Variants in IL1RAPL1 observed in about 807,000 individuals in gnomAD.
The protein encoded by IL1RAPL1 is interleukin-1 receptor accessory protein-like 1.
IL1RAPL1 carries 3 observed loss-of-function variants against 48.4 expected under a neutral mutation model. The observed-to-expected ratio is 0.06, with a 90% confidence interval of 0.03 to 0.16. The LOEUF (loss-of-function observed/expected upper bound fraction) is 0.16, where lower values mean the gene tolerates loss of function less well. Ranked by LOEUF, IL1RAPL1 falls within the 10% of genes least tolerant of loss-of-function variation. IL1RAPL1 has a pLI of 1.00. For synonymous variants in IL1RAPL1, 185 were observed against 187.7 expected, an observed-to-expected ratio of 0.99 and a Z score of 0.12; for missense variants, 349 against 530.6, an observed-to-expected ratio of 0.66 and a Z score of 3.36.
intron 2 of IL1RAPL1, among the ~76,000 whole-genome samples, chrX:29,006,478 C>T (rs778601424): frequency 4.3e-4 from 46 of 106,225 alleles, no homozygotes; most frequent in African/African-American, 1.6e-3. Context: ...GGCGCCATTG[C>T]ACTCCAACAT....
intron 2 of IL1RAPL1, among the ~76,000 whole-genome samples, chrX:29,134,909 C>T (rs765172027): frequency 1.7e-4 from 19 of 111,809 alleles, no homozygotes; most frequent in Non-Finnish European, 2.8e-4. Context: ...CAATAGTGCT[C>T]CATCCTCTCC....
intron 1 of IL1RAPL1, among the ~76,000 whole-genome samples, chrX:28,722,906 C>A (rs979437874): frequency 1.8e-5 from 2 of 110,777 alleles, no homozygotes; most frequent in African/African-American, 6.6e-5. Context: ...TATTGATTTG[C>A]GTATGTTGAA....
intron 8 of IL1RAPL1, among the ~76,000 whole-genome samples, chrX:29,928,095 C>A (rs1932907877): frequency 8.9e-6 from 1 of 111,823 alleles, no homozygotes; most frequent in African/African-American, 3.2e-5. Flanking sequence ...GCTGAAGCAA[C>A]TAAACTAGTG....
intron 6 of IL1RAPL1, among the ~76,000 whole-genome samples, chrX:29,719,743 C>CAAAAAAAAAAAAA (rs372308075): frequency 4.6e-5 from 1 of 21,876 alleles, no homozygotes; most frequent in African/African-American, 1.3e-4. Context: ...GAAAGATGAG[C>CAAAAAAAAAAAAA]AAAAAAAAAA....
chrX:28,968,794 T>C (rs1293738074), intron 2 of IL1RAPL1, among the ~76,000 whole-genome samples: 2 of 112,968 alleles, frequency 1.8e-5, no homozygotes, highest in African/African-American at 6.4e-5. Context: ...TGTGTGCACA[T>C]ACACATATAG....
intron 1 of IL1RAPL1, among the ~76,000 whole-genome samples, chrX:28,772,761 A>G (rs1223065074): frequency 1.8e-5 from 2 of 111,920 alleles, no homozygotes; most frequent in Admixed American, 1.9e-4. Context: ...TAGACAAAAT[A>G]TGATTCTGGC....
At chrX:28,984,289 T>C (rs899361607) in intron 2 of IL1RAPL1, among the ~76,000 whole-genome samples, 2 of 111,391 alleles carry the variant, frequency 1.8e-5, no homozygotes, top group Non-Finnish European at 3.8e-5. Context: ...TTGTCTGCAA[T>C]ATTGGATGAA....
chrX:28,777,749 A>G (rs1282608951), intron 1 of IL1RAPL1, among the ~76,000 whole-genome samples: 1 of 110,843 alleles, frequency 9.0e-6, no homozygotes, highest in African/African-American at 3.3e-5. Context: ...ATCTGAGGGT[A>G]CCAGCCATGC....
At chrX:29,230,522 A>AAAAAAAAAAC (rs1931178719) in intron 2 of IL1RAPL1, among the ~76,000 whole-genome samples, 16 of 90,820 alleles carry the variant, frequency 1.8e-4, no homozygotes, top group African/African-American at 3.4e-4. Flanking sequence ...AAAAAAAAAA[A>AAAAAAAAAAC]AAAAAAAAAA....
intron 1 of IL1RAPL1, among the ~76,000 whole-genome samples, chrX:28,684,417 T>C (rs1478022522): frequency 8.9e-6 from 1 of 111,966 alleles, no homozygotes. Flanking sequence ...AGACTTTGGA[T>C]GTCATATGTG....
chrX:29,099,637 T>A (rs1602056292), intron 2 of IL1RAPL1, among the ~76,000 whole-genome samples: 2 of 111,747 alleles, frequency 1.8e-5, no homozygotes, highest in South Asian at 3.7e-4. Flanking sequence ...CGTTAGTCGA[T>A]AATGTACAGT....
At chrX:28,604,786 C>T (rs1934065888) in intron 1 of IL1RAPL1, among the ~76,000 whole-genome samples, 1 of 106,416 alleles carries the variant, frequency 9.4e-6, no homozygotes, top group South Asian at 4.2e-4. Context: ...ATCATAGCTA[C>T]ATAATAAATG....
At chrX:28,822,870 A>G (rs1168887633) in intron 2 of IL1RAPL1, among the ~76,000 whole-genome samples, 1 of 111,598 alleles carries the variant, frequency 9.0e-6, no homozygotes, top group Non-Finnish European at 1.9e-5. Context: ...TACCACTTCC[A>G]CCAACCCCTG....
intron 5 of IL1RAPL1, among the ~76,000 whole-genome samples, chrX:29,542,952 C>G (rs898818269): frequency 2.7e-5 from 3 of 111,301 alleles, no homozygotes; most frequent in Non-Finnish European, 5.7e-5. Flanking sequence ...GTTGTAAATC[C>G]CTGGGAATGA....
chrX:29,823,558 G>A (rs1014248576), intron 6 of IL1RAPL1, among the ~76,000 whole-genome samples: 3 of 111,908 alleles, frequency 2.7e-5, no homozygotes, highest in Non-Finnish European at 3.8e-5. Flanking sequence ...TTGTTTCATT[G>A]CCAGCACCAG....
intron 5 of IL1RAPL1, among the ~76,000 whole-genome samples, chrX:29,399,625 C>T (rs1296467470): frequency 2.7e-5 from 3 of 110,767 alleles, no homozygotes; most frequent in South Asian, 3.8e-4. Flanking sequence ...TCAGGACCAG[C>T]CTGGCCAACA....
At chrX:29,439,851 GTTTTTTTTTTT>G (rs760458968) in intron 5 of IL1RAPL1, among the ~76,000 whole-genome samples, 1 of 59,865 alleles carries the variant, frequency 1.7e-5, no homozygotes, top group Non-Finnish European at 2.9e-5. Context: ...TGTTTGTTTG[GTTTTTTTTTTT>G]TTTTTTTTTG....
chrX:29,213,819 G>T (rs1336999760), intron 2 of IL1RAPL1, among the ~76,000 whole-genome samples: 1 of 111,851 alleles, frequency 8.9e-6, no homozygotes, highest in Non-Finnish European at 1.9e-5. Flanking sequence ...CCCACCTCCA[G>T]CACCTACCTA....
intron 1 of IL1RAPL1, among the ~76,000 whole-genome samples, chrX:28,589,442 C>T (rs1025307115): frequency 6.3e-5 from 7 of 110,993 alleles, no homozygotes; most frequent in Non-Finnish European, 1.1e-4. Flanking sequence ...TGAGTTTTCT[C>T]ATAGTGAGTT....
Sources: allele counts gnomAD v4.1 joint callset (sites outside exome capture counted in the v4.1 genomes callset), GRCh38; gene constraint gnomAD v4.1.1; transcripts MANE v1.5; gene names NCBI Gene and HGNC (gene_info 2026-07-23, HGNC 2026-07-21).